CCDC7: variants seen among roughly 807,000 people sequenced by gnomAD.
The protein encoded by CCDC7 is coiled-coil domain containing 7, also known as coiled-coil domain-containing protein 7.
Under a neutral mutation model 196.9 loss-of-function variants are expected in CCDC7, and 183 were observed. The ratio of observed to expected loss-of-function variants is 0.93; its 90% CI spans 0.82 to 1.05. The LOEUF is 1.05. Ranked by LOEUF, CCDC7 falls within the 50% of genes least tolerant of loss-of-function variation. CCDC7 has a pLI of 0.00. For synonymous variants in CCDC7, 525 were observed against 484.6 expected (o/e 1.08, Z -1.10); for missense variants, 1,540 against 1,482.2 (o/e 1.04, Z -0.64).
At chr10:32,643,064 G>C (rs1276594721) in intron 20 of CCDC7, among the ~76,000 whole-genome samples, 1 of 152,092 alleles carries the variant, frequency 6.6e-6, no homozygotes, top group Non-Finnish European at 1.5e-5. Flanking sequence ...TTTATTTTTT[G>C]ATTTCCTTTA....
chr10:32,672,392 G>A (rs1002254837), intron 21 of CCDC7, among the ~76,000 whole-genome samples: 6 of 152,172 alleles, frequency 3.9e-5, no homozygotes. Context: ...CTGTGACAAC[G>A]ATTCCCAATG....
chr10:32,451,580 T>G (rs2033090843), upstream of CCDC7: 2 of 1,518,100 alleles, frequency 1.3e-6, no homozygotes, highest in East Asian at 4.5e-5. Flanking sequence ...AATCTCTTAT[T>G]TTTTTTCACA....
chr10:32,669,325 A>G (rs2073555155), intron 21 of CCDC7, among the ~76,000 whole-genome samples: 3 of 152,136 alleles, frequency 2.0e-5, no homozygotes, highest in African/African-American at 7.2e-5. Flanking sequence ...TTGCATGATC[A>G]TCAGAGATAT....
chr10:32,590,156 T>C (rs796689744), intron 18 of CCDC7, among the ~76,000 whole-genome samples: 20 of 152,162 alleles, frequency 1.3e-4, no homozygotes, highest in African/African-American at 4.8e-4. Flanking sequence ...CCTTTTTGTC[T>C]TCCTTTTAGT....
At chr10:32,729,559 A>G (rs1057349088) in intron 28 of CCDC7, 102 bp downstream of exon 29, 27 of 505,148 alleles carry the variant, frequency 5.3e-5, no homozygotes, top group African/African-American at 3.7e-4. Flanking sequence ...TTCTTCTGCT[A>G]ATTATTTCCA....
intron 25 of CCDC7, among the ~76,000 whole-genome samples, chr10:32,713,835 C>T (rs1188977342): frequency 1.3e-5 from 2 of 152,242 alleles, no homozygotes; most frequent in Admixed American, 6.5e-5. Flanking sequence ...GCAGCAGCCA[C>T]GTTTTCCATG....
At chr10:32,807,283 TA>T (rs1254629636) in intron 30 of CCDC7, among the ~76,000 whole-genome samples, 1 of 152,162 alleles carries the variant, frequency 6.6e-6, no homozygotes, top group Non-Finnish European at 1.5e-5. Context: ...TGCAATTGTA[TA>T]AAAAATATTT....
chr10:32,698,733 G>A (rs1213406707), intron 24 of CCDC7, among the ~76,000 whole-genome samples: 12 of 152,354 alleles, frequency 7.9e-5, no homozygotes, highest in African/African-American at 2.4e-4. Flanking sequence ...TTTGATTGGT[G>A]TACCTGAAAG....
At chr10:32,457,698 C>T (rs1162970105) in intron 3 of CCDC7, among the ~76,000 whole-genome samples, 3 of 151,922 alleles carry the variant, frequency 2.0e-5, no homozygotes, top group Non-Finnish European at 4.4e-5. Flanking sequence ...TATTTATTAT[C>T]TTTTTTCTTT....
intron 11 of CCDC7, among the ~76,000 whole-genome samples, chr10:32,536,025 ATAGGAAT>A (rs1031407004): frequency 6.6e-6 from 1 of 152,192 alleles, no homozygotes; most frequent in African/African-American, 2.4e-5. Flanking sequence ...GACCCCTTAA[ATAGGAAT>A]TTCAGCAAGA....
intron 13 of CCDC7, among the ~76,000 whole-genome samples, chr10:32,548,886 T>C (rs1053729856): frequency 3.3e-5 from 5 of 152,234 alleles, no homozygotes; most frequent in African/African-American, 4.8e-5. Context: ...TGTGCAAGTA[T>C]CTTTTTTGAA....
At chr10:32,844,620 T>C (rs758431035) in intron 33 of CCDC7, among the ~76,000 whole-genome samples, 3 of 151,878 alleles carry the variant, frequency 2.0e-5, no homozygotes, top group Admixed American at 6.6e-5. Flanking sequence ...ATAAACTTTC[T>C]AGGATAATTT....
chr10:32,845,192 T>C, intron 33 of CCDC7, 51 bp from the exon 35 acceptor site: 1 of 1,117,860 alleles, frequency 8.9e-7, no homozygotes, highest in South Asian at 1.5e-5. Flanking sequence ...ATACTCAGAT[T>C]TGGTAATGTT....
At chr10:32,648,322 C>T (rs1016622113) in intron 20 of CCDC7, among the ~76,000 whole-genome samples, 1 of 151,868 alleles carries the variant, frequency 6.6e-6, no homozygotes, top group Admixed American at 6.6e-5. Flanking sequence ...CTCTTTTTTG[C>T]TTCCATATAA....
intron 5 of CCDC7, among the ~76,000 whole-genome samples, chr10:32,470,382 G>A (rs2037702243): frequency 6.6e-6 from 1 of 152,050 alleles, no homozygotes; most frequent in Non-Finnish European, 1.5e-5. Context: ...GCTTGTTTAT[G>A]TCTCCACACA....
At chr10:32,756,092 A>G (rs2076395255) in intron 28 of CCDC7, among the ~76,000 whole-genome samples, 1 of 152,206 alleles carries the variant, frequency 6.6e-6, no homozygotes, top group African/African-American at 2.4e-5. Context: ...AGCCTCCAAG[A>G]AATATGGGAC....
At chr10:32,609,543 A>G (rs1267939100) in intron 18 of CCDC7, among the ~76,000 whole-genome samples, 1 of 149,762 alleles carries the variant, frequency 6.7e-6, no homozygotes, top group Non-Finnish European at 1.5e-5. Flanking sequence ...CAGTTGGTCT[A>G]TAGCTTTTAA....
At chr10:32,655,420 T>A (rs1347891302) in intron 20 of CCDC7, among the ~76,000 whole-genome samples, 1 of 152,236 alleles carries the variant, frequency 6.6e-6, no homozygotes, top group Admixed American at 6.5e-5. Flanking sequence ...ATAGTTGTTC[T>A]AATAGGTGTG....
chr10:32,480,949 A>G (rs1306335717), intron 8 of CCDC7, among the ~76,000 whole-genome samples: 2 of 152,150 alleles, frequency 1.3e-5, no homozygotes, highest in Non-Finnish European at 2.9e-5. Flanking sequence ...TAGAGTACTG[A>G]AGGCCTCTGC....
Sources: allele counts gnomAD v4.1 joint callset (sites outside exome capture counted in the v4.1 genomes callset), GRCh38; gene constraint gnomAD v4.1.1; transcripts MANE v1.5; gene names NCBI Gene and HGNC (gene_info 2026-07-23, HGNC 2026-07-21).